The following SOS1 variants were observed in gnomAD, a reference collection of about 807,000 sequenced individuals.
SOS1 encodes SOS Ras/Rac guanine nucleotide exchange factor 1.
SOS1 carries 25 observed loss-of-function variants against 157.6 expected under a neutral mutation model. The observed-to-expected ratio is 0.16, with a 90% CI of 0.12 to 0.22. The LOEUF (loss-of-function observed/expected upper bound fraction) is 0.22. Ranked by LOEUF, SOS1 falls within the 10% of genes least tolerant of loss-of-function variation. The pLI is 1.00. For synonymous variants in SOS1, 528 were observed against 534.0 expected, an observed-to-expected ratio of 0.99 and a Z score of 0.16; for missense variants, 1,237 against 1,599.1, an observed-to-expected ratio of 0.77 and a Z score of 3.86.
chr2:38,985,053 A>AGTT lies in SOS1; in HGVS notation c.*768_*770dup, dbSNP rs1243978679. The AGTT allele has an allele frequency of 2.0e-5, 3 of 152,218 alleles. No homozygotes were observed. The highest frequency in any genetic ancestry group is 2.0e-4 in the Admixed American group (3 of 15,272). The allele number at this position is 152,218 out of a possible 1,614,324, so 9.4% of individuals were successfully genotyped here. ...CCTAAATGCAAATAGAATAGTTGAC[A>AGTT]GTTATTTTTTTTTAAAAAGTTCTTC... On this transcript the variant is annotated 3_prime_UTR_variant, in exon 23 of 23. Transcript: ENST00000402219.
intron 1 of SOS1, among the ~76,000 whole-genome samples, chr2:39,068,403 C>G (rs984123644): frequency 2.0e-5 from 3 of 152,164 alleles, no homozygotes; most frequent in Admixed American, 6.5e-5. Flanking sequence ...ATTTATTCAA[C>G]ATTCTGCTTG....
chr2:39,062,435 T>TAAAAAAAAAA (rs397974197), intron 2 of SOS1, among the ~76,000 whole-genome samples: 3 of 138,506 alleles, frequency 2.2e-5, no homozygotes, highest in Non-Finnish European at 3.1e-5. Context: ...AAAAAAAAAT[T>TAAAAAAAAAA]AAAAAAAAAA....
intron 6 of SOS1, among the ~76,000 whole-genome samples, chr2:39,042,784 T>A (rs1670620692): frequency 6.6e-6 from 1 of 151,776 alleles, no homozygotes; most frequent in African/African-American, 2.4e-5. Flanking sequence ...AGGTACTTTA[T>A]GGTCTTATTT....
chr2:39,018,040 TGTTA>T (rs1008295917), intron 10 of SOS1, among the ~76,000 whole-genome samples: 4 of 151,934 alleles, frequency 2.6e-5, no homozygotes, highest in Non-Finnish European at 5.9e-5. Flanking sequence ...ATACTGCCGT[TGTTA>T]GTTGTGGAGC....
At chr2:39,087,720 G>A (rs1672429755) in intron 1 of SOS1, among the ~76,000 whole-genome samples, 1 of 152,176 alleles carries the variant, frequency 6.6e-6, no homozygotes. Context: ...CCAGGTTGGA[G>A]TGCAGTGGTG....
rs1192305737 is a variant in SOS1, at chr2:38,987,467, C to T, written c.3510+6G>A. On this transcript the variant is annotated splice_donor_region_variant and intron_variant, in intron 22 of 22. Transcript: ENST00000402219. ...AATTTCTACACAACAAGATTTCTTA[C>T]TTTACCTTAGATGGTGAAGATTCTG... 2.8e-6 allele frequency: 4 copies of T among 1,438,472 alleles called. No homozygotes were observed. The highest frequency in any genetic ancestry group is 3.9e-6 in the Non-Finnish European group (4 of 1,024,262). 89.1% of individuals were successfully genotyped at this position (1,438,472 alleles called of 1,614,324 possible).
At chr2:38,987,004 C>T (rs1668579038) in intron 22 of SOS1, among the ~76,000 whole-genome samples, 1 of 148,740 alleles carries the variant, frequency 6.7e-6, no homozygotes, top group African/African-American at 2.6e-5. Context: ...GAAATAATAG[C>T]TATTTTGAGC....
chr2:39,022,072 C>A (rs1669816029), intron 10 of SOS1, among the ~76,000 whole-genome samples: 2 of 151,754 alleles, frequency 1.3e-5, no homozygotes, highest in South Asian at 4.1e-4. Flanking sequence ...TATAATAAAA[C>A]TGGAATCCTT....
At chr2:39,096,091 G>T (rs1672756431) in intron 1 of SOS1, among the ~76,000 whole-genome samples, 1 of 152,148 alleles carries the variant, frequency 6.6e-6, no homozygotes, top group Admixed American at 6.5e-5. Context: ...AGGAAAAAAA[G>T]ATTTTAATAA....
chr2:39,042,311 G>T (rs908688089), intron 6 of SOS1, among the ~76,000 whole-genome samples: 2 of 151,994 alleles, frequency 1.3e-5, no homozygotes, highest in African/African-American at 4.8e-5. Flanking sequence ...GGGACAACTG[G>T]TATCATTACA....
chr2:39,007,373 C>G (rs1230244714), intron 15 of SOS1, 180 bp from the exon 16 acceptor site: 1 of 599,098 alleles, frequency 1.7e-6, no homozygotes, highest in South Asian at 2.0e-5. Flanking sequence ...GTCAGGCATA[C>G]TGCTCTTTCC....
At chr2:39,001,955 C>G (rs1039806619) in intron 17 of SOS1, among the ~76,000 whole-genome samples, 1 of 152,230 alleles carries the variant, frequency 6.6e-6, no homozygotes, top group African/African-American at 2.4e-5. Context: ...ATAAATCACA[C>G]AGCTCACCTT....
intron 1 of SOS1, among the ~76,000 whole-genome samples, chr2:39,091,358 T>G (rs1358747750): frequency 6.6e-6 from 1 of 152,184 alleles, no homozygotes; most frequent in Non-Finnish European, 1.5e-5. Context: ...ACACTATGAA[T>G]AAGTGAATGA....
intron 17 of SOS1, among the ~76,000 whole-genome samples, chr2:39,003,069 A>AAAAAAAAACAAAC (rs1553352657): frequency 1.4e-3 from 114 of 79,184 alleles, no homozygotes; most frequent in Admixed American, 2.8e-3. Flanking sequence ...CTTGTATCAA[A>AAAAAAAAACAAAC]AAAAAAAAAG....
At chr2:39,057,782 C>CA (rs1242825721) in intron 3 of SOS1, among the ~76,000 whole-genome samples, 2 of 151,980 alleles carry the variant, frequency 1.3e-5, no homozygotes, top group African/African-American at 4.8e-5. Flanking sequence ...ATGCCTTTTC[C>CA]ATAAGGCAGG....
At chr2:39,073,991 T>C (rs1465408279) in intron 1 of SOS1, among the ~76,000 whole-genome samples, 1 of 152,216 alleles carries the variant, frequency 6.6e-6, no homozygotes, top group East Asian at 1.9e-4. Context: ...TGTTTGATGC[T>C]TTAGGTGCTT....
chr2:39,120,262 C>A, intron 1 of SOS1, 74 bp downstream of exon 1: 1 of 1,348,336 alleles, frequency 7.4e-7, no homozygotes, highest in South Asian at 1.4e-5. Flanking sequence ...GCGCGCGCCC[C>A]GCCTCCCCAG....
Position 38,985,956 on chromosome 2 carries a change from C to T in SOS1, c.3870G>A (p.Pro1290=), listed in dbSNP as rs759856153. The change falls in exon 23 of 23, where the codon CCG becomes CCA. Residue 1290 remains proline, a synonymous_variant. Transcript: ENST00000402219. ...AAGTGCTTTGTCGTGGAGGAACAGG[C>T]GGCCCAGCAATGGAATGAAGGTCCA... is the stretch of plus-strand genomic sequence containing the variant. ...QEVDLHSIAG[P]PVPPRQSTSQ... 6.8e-6 allele frequency: 11 copies of T among 1,613,878 alleles called. No individual in the cohort carries two copies. Among genetic ancestry groups the T allele is most frequent in the Admixed American group, 1.7e-5 (1 of 59,990 alleles).
intron 3 of SOS1, among the ~76,000 whole-genome samples, 167 bp from the exon 4 acceptor site, chr2:39,057,033 ATTACTATTGAAAATGTAAGC>A (rs1321649477): frequency 6.6e-6 from 1 of 152,196 alleles, no homozygotes. Context: ...TAATATATGT[ATTACTATTGAAAATGTAAGC>A]TAAGAAAAGG....
Sources: gnomAD v4.1 joint callset for allele counts (sites outside exome capture counted in the v4.1 genomes callset) on GRCh38, gnomAD v4.1.1 for gene constraint, MANE v1.5 for transcripts, NCBI Gene and HGNC (gene_info 2026-07-23, HGNC 2026-07-21) for gene names.